KCNAB1: variants seen among roughly 807,000 people sequenced by gnomAD.
The protein encoded by KCNAB1 is potassium voltage-gated channel subfamily A regulatory beta subunit 1, also known as voltage-gated potassium channel subunit beta-1.
In KCNAB1, 35 loss-of-function variants were observed where a neutral mutation model predicts 64.6. The observed-to-expected ratio is 0.54, with a 90% CI of 0.41 to 0.72. KCNAB1 has a LOEUF of 0.72. KCNAB1 is among the 30% of genes least tolerant of loss of function. The probability of loss-of-function intolerance (pLI) is 0.00; values close to 1 mark genes in which losing one functional copy is unlikely to be tolerated. For missense variants in KCNAB1, 401 were observed against 512.9 expected (o/e 0.78, Z 2.11); for synonymous variants, 177 against 183.8 (o/e 0.96, Z 0.30).
At position 156,265,592 on chromosome 3, in the gene KCNAB1, C is replaced by T. The variant is rs139649605; in HGVS notation, c.275+144706C>T. 3.8e-3 allele frequency among the ~76,000 whole-genome samples: 576 copies of T among 152,284 alleles called. 1 individual carries two copies. Among genetic ancestry groups the T allele is most frequent in the African/African-American group, 0.013 (546 of 41,568 alleles). Reference sequence around the variant, plus strand: ...CTGTGTGGGGTATGGGCAGGCTCACCTGCCCTTATTTGATTTATGGGAATT... The same window carrying T: ...CTGTGTGGGGTATGGGCAGGCTCACTTGCCCTTATTTGATTTATGGGAATT... On this transcript the variant is annotated intron_variant, in intron 1 of 13. Transcript: ENST00000490337.
chr3:156,523,983 A>C (rs771820427), intron 12 of KCNAB1, 36 bp downstream of exon 12: 1 of 1,595,418 alleles, frequency 6.3e-7, no homozygotes, highest in African/African-American at 1.3e-5. Context: ...TGGTAGAGGG[A>C]CTTCTGCTGA....
chr3:156,407,250 C>T (rs1172730350), intron 1 of KCNAB1, among the ~76,000 whole-genome samples: 1 of 152,156 alleles, frequency 6.6e-6, no homozygotes, highest in Non-Finnish European at 1.5e-5. Flanking sequence ...ACCTCAGGGT[C>T]ATGTTATCTC....
At chr3:156,520,867 G>T (rs1717898722) in intron 11 of KCNAB1, among the ~76,000 whole-genome samples, 1 of 152,170 alleles carries the variant, frequency 6.6e-6, no homozygotes, top group African/African-American at 2.4e-5. Context: ...ATTCTAGACA[G>T]TGTTCAGAAC....
intron 1 of KCNAB1, among the ~76,000 whole-genome samples, chr3:156,257,711 T>A (rs1009886081): frequency 6.6e-6 from 1 of 152,142 alleles, no homozygotes; most frequent in Non-Finnish European, 1.5e-5. Flanking sequence ...AAGACTGCCT[T>A]CCATCCATGG....
chr3:156,356,933 T>C (rs1273065592), intron 1 of KCNAB1, among the ~76,000 whole-genome samples: 1 of 152,230 alleles, frequency 6.6e-6, no homozygotes, highest in Non-Finnish European at 1.5e-5. Context: ...GCTCTGTCTT[T>C]CCAGAGTTAC....
chr3:156,178,308 A>C (rs1169467420), intron 1 of KCNAB1, among the ~76,000 whole-genome samples: 1 of 152,200 alleles, frequency 6.6e-6, no homozygotes, highest in African/African-American at 2.4e-5. Flanking sequence ...GGGGTTGAGA[A>C]CTATCAGGCA....
In KCNAB1 at chr3:156,179,557, G is replaced by A. The variant is rs78537397; in HGVS notation, c.275+58671G>A. On this transcript the variant is annotated intron_variant, in intron 1 of 13. Coordinates refer to ENST00000490337, the MANE Select transcript of KCNAB1 (RefSeq NM_172160.3). ...AGCCCATTTTGGACTCCCTCAGAAG[G>A]CACCTGTCATGGAGCTGAACTAGCT... Among the ~76,000 whole-genome samples the A allele has an allele frequency of 9.2e-3, 1,397 of 151,752 alleles. 21 individuals carry two copies. Among genetic ancestry groups the A allele is most frequent in the African/African-American group, 0.032 (1,327 of 41,334 alleles).
intron 5 of KCNAB1, among the ~76,000 whole-genome samples, chr3:156,461,464 T>G (rs1353761579): frequency 6.6e-6 from 1 of 152,230 alleles, no homozygotes; most frequent in Non-Finnish European, 1.5e-5. Context: ...ACGGGCCTCC[T>G]CTACCTATTA....
intron 2 of KCNAB1, among the ~76,000 whole-genome samples, chr3:156,425,397 G>A (rs553241277): frequency 6.6e-5 from 10 of 152,298 alleles, no homozygotes; most frequent in South Asian, 2.1e-4. Context: ...AGAGTGAACT[G>A]ATGGTACATC....
chr3:156,335,963 G>A (rs1220851690), intron 1 of KCNAB1, among the ~76,000 whole-genome samples: 1 of 150,750 alleles, frequency 6.6e-6, no homozygotes, highest in Non-Finnish European at 1.5e-5. Context: ...TTGTGAAGTT[G>A]ATTTGTGGTT....
intron 5 of KCNAB1, among the ~76,000 whole-genome samples, chr3:156,462,558 G>A (rs905622050): frequency 2.0e-5 from 3 of 152,192 alleles, no homozygotes; most frequent in Admixed American, 1.3e-4. Flanking sequence ...AATTACTTTT[G>A]GGGGGATTCA....
chr3:156,514,203 A>C (rs1204176481), intron 8 of KCNAB1, among the ~76,000 whole-genome samples, 161 bp from the exon 9 acceptor site: 1 of 152,204 alleles, frequency 6.6e-6, no homozygotes, highest in Non-Finnish European at 1.5e-5. Context: ...AACCATCAAT[A>C]TTTCCTGTCA....
intron 1 of KCNAB1, among the ~76,000 whole-genome samples, chr3:156,202,280 G>A (rs932369091): frequency 3.3e-5 from 5 of 152,208 alleles, no homozygotes; most frequent in Non-Finnish European, 5.9e-5. Flanking sequence ...GGCCTGTGGT[G>A]AGAGTGGGTT....
intron 1 of KCNAB1, chr3:156,227,966 T>TG (rs1716288026): frequency 6.6e-6 from 1 of 152,240 alleles, no homozygotes; most frequent in South Asian, 2.1e-4. Context: ...CATTTAGCAG[T>TG]GGAATCCTAG....
intron 8 of KCNAB1, among the ~76,000 whole-genome samples, chr3:156,485,286 T>C (rs965208487): frequency 2.6e-5 from 4 of 152,146 alleles, no homozygotes; most frequent in Non-Finnish European, 5.9e-5. Context: ...TAAAAACTTA[T>C]AGAAATGGTG....
At chr3:156,165,931 C>G (rs995310801) in intron 1 of KCNAB1, among the ~76,000 whole-genome samples, 1 of 152,124 alleles carries the variant, frequency 6.6e-6, no homozygotes, top group African/African-American at 2.4e-5. Context: ...AGAGTAGTTC[C>G]TGGAAGGTGT....
chr3:156,128,720 A>G (rs553671501), intron 1 of KCNAB1, among the ~76,000 whole-genome samples: 1 of 152,324 alleles, frequency 6.6e-6, no homozygotes, highest in East Asian at 1.9e-4. Context: ...TTCCCAAACT[A>G]TGGCACTCTA....
At chr3:156,491,062 A>G (rs2108351299) in intron 8 of KCNAB1, among the ~76,000 whole-genome samples, 1 of 152,280 alleles carries the variant, frequency 6.6e-6, no homozygotes, top group Non-Finnish European at 1.5e-5. Flanking sequence ...CAAAAAGATG[A>G]TGGGCAAACT....
chr3:156,484,141 C>T (rs1316430469), intron 8 of KCNAB1, among the ~76,000 whole-genome samples: 35 of 152,128 alleles, frequency 2.3e-4, no homozygotes, highest in Non-Finnish European at 3.7e-4. Flanking sequence ...ATTTTCTCTC[C>T]TCCCTCCCCC....
Sources: allele counts gnomAD v4.1 joint callset (sites outside exome capture counted in the v4.1 genomes callset), GRCh38; gene constraint gnomAD v4.1.1; transcripts MANE v1.5; gene names NCBI Gene and HGNC (gene_info 2026-07-23, HGNC 2026-07-21).